The following RADIL variants were observed in gnomAD, a reference collection of about 807,000 sequenced individuals.
The protein encoded by RADIL is ras-associating and dilute domain-containing protein.
RADIL carries 99 observed loss-of-function variants against 97.6 expected under a neutral mutation model. The observed-to-expected ratio is 1.01, with a 90% confidence interval of 0.86 to 1.20. The LOEUF (loss-of-function observed/expected upper bound fraction) is 1.20, where lower values mean the gene tolerates loss of function less well. Ranked by LOEUF, RADIL falls within the 50% of genes most tolerant of loss-of-function variation. RADIL has a pLI of 0.00. For missense variants in RADIL, 1,765 were observed against 1,498.9 expected, an observed-to-expected ratio of 1.18 and a Z score of -2.93; for synonymous variants, 803 against 691.8, an observed-to-expected ratio of 1.16 and a Z score of -2.52.
At chr7:4,838,093 C>G (rs1783348885) in intron 2 of RADIL, 2 of 980,290 alleles carry the variant, frequency 2.0e-6, no homozygotes, top group South Asian at 9.4e-5. Context: ...AGGGAGGCCG[C>G]CCAGCCGCAG....
At chr7:4,811,637 G>T (rs1323606719) in intron 9 of RADIL, among the ~76,000 whole-genome samples, 1 of 151,198 alleles carries the variant, frequency 6.6e-6, no homozygotes, top group African/African-American at 2.4e-5. Context: ...ACAGGCGCCC[G>T]CCACCGTGCC....
Position 4,803,905 on chromosome 7 carries a change from C to T in RADIL, c.2291-151G>A, listed in dbSNP as rs1476955167. 1.2e-5 allele frequency: 9 copies of T among 754,064 alleles called. No individual in the cohort carries two copies. The Admixed American group carries it at 1.4e-4, about 12-fold the overall frequency. 46.7% of individuals were successfully genotyped at this position (754,064 alleles called of 1,614,324 possible). ...ACACAGGAGGCTGGGATCCTGGCCACAGTGACTGGCCCCACCCTAGGACTC... is the reference window on the plus strand; with the variant it reads ...ACACAGGAGGCTGGGATCCTGGCCATAGTGACTGGCCCCACCCTAGGACTC... On this transcript the variant is annotated intron_variant, in intron 10 of 14. Transcript: ENST00000399583.
intron 2 of RADIL, among the ~76,000 whole-genome samples, chr7:4,871,975 C>A (rs1784266366): frequency 6.6e-6 from 1 of 152,200 alleles, no homozygotes; most frequent in South Asian, 2.1e-4. Context: ...GGTGATGTCC[C>A]TGTCTCCAGG....
intron 2 of RADIL, among the ~76,000 whole-genome samples, chr7:4,841,247 C>A (rs988066572): frequency 6.6e-6 from 1 of 152,216 alleles, no homozygotes; most frequent in Admixed American, 6.5e-5. Context: ...TTCAAGGACC[C>A]CTGGGAATGT....
chr7:4,847,340 A>G (rs576166818), intron 2 of RADIL, among the ~76,000 whole-genome samples: 39 of 152,268 alleles, frequency 2.6e-4, no homozygotes, highest in African/African-American at 7.0e-4. Context: ...AACAACAAAA[A>G]AGTTAAACAA....
In RADIL at chr7:4,801,894, A is replaced by C; in HGVS notation, c.2601T>G (p.Arg867=). 1.3e-6 allele frequency: 2 copies of C among 1,583,180 alleles called. No homozygotes were observed. Among genetic ancestry groups the C allele is most frequent in the East Asian group, 4.6e-5 (2 of 43,824 alleles). The change falls in exon 12 of 15, where the codon CGT becomes CGG. Residue 867 remains arginine, a synonymous_variant. Coordinates refer to ENST00000399583, the MANE Select transcript of RADIL (RefSeq NM_018059.5). ...GPAAREVAPE[R]TLPLRGAPWA... is the part of the protein sequence containing the mutation. ...AGGGAGCCCCCCTCAAGGGAAGAGT[A>C]CGCTCCGGGGCCACTTCCCGGGCTG...
chr7:4,799,690 G>A lies in RADIL; in HGVS notation c.3062C>T (p.Ser1021Leu), dbSNP rs1315313602. Reference protein sequence around the residue: ...GSPAAADGRLSLGDRILEVNG... With the variant: ...GSPAAADGRLLLGDRILEVNG... ...CACCTCCAGGATACGGTCCCCCAGCGACAGGCGCCCGTCGGCCGCTGCGGG... is the reference window on the plus strand; with the variant it reads ...CACCTCCAGGATACGGTCCCCCAGCAACAGGCGCCCGTCGGCCGCTGCGGG... The change falls in exon 14 of 15, where the codon TCG becomes TTG. Residue 1021 changes from serine to leucine, a missense_variant. Transcript: ENST00000399583. 16 of 1,584,840 alleles carry A rather than the reference G, an allele frequency of 1.0e-5. No individual in the cohort carries two copies. Among genetic ancestry groups the A allele is most frequent in the East Asian group, 4.6e-5 (2 of 43,588 alleles).
Position 4,835,319 on chromosome 7 carries a change from C to A in RADIL, c.784-80G>T. 6.5e-7 allele frequency: 1 copy of A among 1,532,520 alleles called. No homozygotes were observed. The highest frequency in any genetic ancestry group is 1.2e-5 in the South Asian group (1 of 83,036). 94.9% of individuals were successfully genotyped at this position (1,532,520 alleles called of 1,614,324 possible). A position where few individuals can be genotyped will look rare whatever the true frequency, so the allele number is the denominator to read the frequency against. ...GCGTCCCGTGTCTAGTCACTGGTTG[C>A]TGAAGCAGCGTGGCTGGGATGCTGT... On this transcript the variant is annotated intron_variant, in intron 3 of 14. Transcript: ENST00000399583. This position sits in a 1 kb window ranked among gnomAD's most constrained non-coding sequence, Gnocchi z 5.8.
chr7:4,802,370 G>C (rs1344291844), intron 11 of RADIL, among the ~76,000 whole-genome samples: 1 of 132,756 alleles, frequency 7.5e-6, no homozygotes, highest in Non-Finnish European at 1.6e-5. Flanking sequence ...CTGGCTGGGG[G>C]GCCCCCTCCC....
intron 5 of RADIL, among the ~76,000 whole-genome samples, chr7:4,827,956 G>A (rs1332103221): frequency 2.0e-5 from 3 of 151,632 alleles, no homozygotes; most frequent in Admixed American, 2.0e-4. Flanking sequence ...AATTCAGATG[G>A]GAAAATCCTA....
At position 4,798,223 on chromosome 7, in the gene RADIL, C is replaced by G. The variant is rs1449624087; in HGVS notation, c.*1155G>C. ...GCCAGGCGCAATGCGGAGCCGCACA[C>G]AGAACTGCGGGTCGGCAGAGGGCGC... On this transcript the variant is annotated 3_prime_UTR_variant, in exon 15 of 15. Transcript: ENST00000399583. 4 of 151,970 alleles carry G rather than the reference C, an allele frequency of 2.6e-5. No homozygotes were observed. Among genetic ancestry groups the G allele is most frequent in the Non-Finnish European group, 5.9e-5 (4 of 67,998 alleles). 9.4% of individuals were successfully genotyped at this position (151,970 alleles called of 1,614,324 possible). A position where few individuals can be genotyped will look rare whatever the true frequency, so the allele number is the denominator to read the frequency against.
At position 4,815,869 on chromosome 7, in the gene RADIL, G is replaced by A. The variant is rs1167554664; in HGVS notation, c.1966+359C>T. Among the ~76,000 whole-genome samples the A allele has an allele frequency of 6.6e-6, 1 of 152,212 alleles. No homozygotes were observed. Among genetic ancestry groups the A allele is most frequent in the Non-Finnish European group, 1.5e-5 (1 of 68,024 alleles). On this transcript the variant is annotated intron_variant, in intron 8 of 14. Transcript: ENST00000399583. This position sits in a 1 kb window ranked among gnomAD's most constrained non-coding sequence, Gnocchi z 8.0. ...CCACAAGGCAGGGTCCAAGGCCAGA[G>A]TCCGCGGCTGCACAGACCTGGGTTC...
At position 4,873,983 on chromosome 7, in the gene RADIL, G is replaced by A. The variant is rs1314142859; in HGVS notation, c.535+3622C>T. 6.6e-6 allele frequency among the ~76,000 whole-genome samples: 1 copy of A among 152,250 alleles called. No individual in the cohort carries two copies. The highest frequency in any genetic ancestry group is 2.4e-5 in the African/African-American group (1 of 41,468). ...GCTCTCAGTCGTTCCCCTTGGAGGG[G>A]CGAGGGAGGAATCGCCTAGTGCCGG... On this transcript the variant is annotated intron_variant, in intron 2 of 14. Transcript: ENST00000399583. The surrounding 1 kb of genome is among the most constrained non-coding windows in gnomAD (Gnocchi z 4.3).
chr7:4,812,358 G>C (rs998465272), intron 9 of RADIL, among the ~76,000 whole-genome samples: 3 of 152,278 alleles, frequency 2.0e-5, no homozygotes, highest in East Asian at 1.9e-4. Flanking sequence ...TGGAATCTGA[G>C]TGATGGCCTC....
rs1781980828 is a variant in RADIL, at chr7:4,798,588, T to A, written c.*790A>T. On this transcript the variant is annotated 3_prime_UTR_variant, in exon 15 of 15. Coordinates refer to ENST00000399583, the MANE Select transcript of RADIL (RefSeq NM_018059.5). ...CTGGTCCTGCGCATGGTCAGCCAGCTGGTGGAGAGGGACGCTGGCCTCCTG... is the reference window on the plus strand; with the variant it reads ...CTGGTCCTGCGCATGGTCAGCCAGCAGGTGGAGAGGGACGCTGGCCTCCTG... The A allele has an allele frequency of 6.5e-6, 1 of 152,706 alleles. No individual in the cohort carries two copies. Among genetic ancestry groups the A allele is most frequent in the Non-Finnish European group, 1.5e-5 (1 of 68,092 alleles). The allele number at this position is 152,706 out of a possible 1,614,324, so 9.5% of individuals were successfully genotyped here. A position where few individuals can be genotyped will look rare whatever the true frequency, so the allele number is the denominator to read the frequency against.
rs1294877614 is a variant in RADIL, at chr7:4,819,223, C to T, written c.1616-1872G>A. Among the ~76,000 whole-genome samples the T allele has an allele frequency of 6.6e-6, 1 of 152,054 alleles. No homozygotes were observed. Among genetic ancestry groups the T allele is most frequent in the African/African-American group, 2.4e-5 (1 of 41,388 alleles). On this transcript the variant is annotated intron_variant, in intron 6 of 14. Coordinates refer to ENST00000399583, the MANE Select transcript of RADIL (RefSeq NM_018059.5). The surrounding 1 kb of genome is among the most constrained non-coding windows in gnomAD (Gnocchi z 5.8). ...AGTAGCTAGGACTACAGGCACATGC[C>T]ACCATGCCTGGCTAATTTTTGTATT...
In RADIL at chr7:4,834,615, T is replaced by C. The variant is rs1583293536; in HGVS notation, c.1408A>G (p.Thr470Ala). The C allele has an allele frequency of 7.5e-7, 1 of 1,340,232 alleles. No homozygotes were observed. The highest frequency in any genetic ancestry group is 9.6e-7 in the Non-Finnish European group (1 of 1,038,696). The allele number at this position is 1,340,232 out of a possible 1,614,324, so 83.0% of individuals were successfully genotyped here. A position where few individuals can be genotyped will look rare whatever the true frequency, so the allele number is the denominator to read the frequency against. The part of the protein sequence containing the change: ...LLKIARLIRE[T>A]VWEKTKELAE... Reference sequence around the variant, plus strand: ...CACCCCAGCACACTGACCCAGACAGTCTCGCGGATCAGCCTGGCTATCTTG... The same window carrying C: ...CACCCCAGCACACTGACCCAGACAGCCTCGCGGATCAGCCTGGCTATCTTG... Residue 470 changes from threonine to alanine, a missense_variant, in exon 4 of 15, where the codon ACT (threonine) becomes GCT (alanine). Coordinates refer to ENST00000399583, the MANE Select transcript of RADIL (RefSeq NM_018059.5). This position sits in a 1 kb window ranked among gnomAD's most constrained non-coding sequence, Gnocchi z 6.0.
rs544459829 is a variant in RADIL at position 4,873,122 on chromosome 7, G to A, written c.535+4483C>T. 3.3e-5 allele frequency among the ~76,000 whole-genome samples: 5 copies of A among 152,180 alleles called. No individual in the cohort carries two copies. Among genetic ancestry groups the A allele is most frequent in the East Asian group, 3.9e-4 (2 of 5,184 alleles). ...CTTCTTTTATATTTTCAGTAGAGAC[G>A]GGGTTTCACCATGTTGGTCAGACTG... On this transcript the variant is annotated intron_variant, in intron 2 of 14. Coordinates refer to ENST00000399583, the MANE Select transcript of RADIL (RefSeq NM_018059.5). The surrounding 1 kb of genome is among the most constrained non-coding windows in gnomAD (Gnocchi z 4.3).
At chr7:4,820,388 C>A (rs530964355) in intron 6 of RADIL, among the ~76,000 whole-genome samples, 1 of 152,332 alleles carries the variant, frequency 6.6e-6, no homozygotes, top group East Asian at 1.9e-4. Flanking sequence ...GACCCACAGT[C>A]GTTTACGTCA....
Sources: gnomAD v4.1 joint callset for allele counts (sites outside exome capture counted in the v4.1 genomes callset) on GRCh38, gnomAD v4.1.1 for gene constraint, Gnocchi (gnomAD v3.1) non-coding constraint, MANE v1.5 for transcripts, NCBI Gene and HGNC (gene_info 2026-07-23, HGNC 2026-07-21) for gene names.